The following PAXBP1 variants were observed in gnomAD, a reference collection of about 807,000 sequenced individuals.
The protein encoded by PAXBP1 is PAX3 and PAX7 binding protein 1.
Under a neutral mutation model 119.9 loss-of-function variants are expected in PAXBP1, and 44 were observed. That is an observed-to-expected ratio of 0.37 (90% CI 0.29 to 0.47). PAXBP1 has a LOEUF of 0.47. Among genes scored for constraint, PAXBP1 ranks in the 20% least tolerant of loss-of-function variants. PAXBP1 has a pLI of 0.99. For synonymous variants in PAXBP1, 393 were observed against 406.6 expected (o/e 0.97, Z 0.40); for missense variants, 898 against 1,134.1 (o/e 0.79, Z 2.99).
At chr21:32,742,683 T>C (rs1322848887) in intron 15 of PAXBP1, 2 of 205,918 alleles carry the variant, frequency 9.7e-6, no homozygotes, top group African/African-American at 4.7e-5. Context: ...GAAGAGTATC[T>C]GCTACAGCAG....
At position 32,764,333 on chromosome 21, in the gene PAXBP1, C is replaced by T. The variant is rs756031593; in HGVS notation, c.649+15G>A. ...GGGTTTAGTTTAGTTCTGAGAAATACTTTTGAGTACACACCTGGACGAAGA... is the reference window on the plus strand; with the variant it reads ...GGGTTTAGTTTAGTTCTGAGAAATATTTTTGAGTACACACCTGGACGAAGA... On this transcript the variant is annotated intron_variant, in intron 3 of 17. Transcript: ENST00000331923. 6.2e-7 allele frequency: 1 copy of T among 1,611,608 alleles called. No homozygotes were observed. Among genetic ancestry groups the T allele is most frequent in the Non-Finnish European group, 8.5e-7 (1 of 1,179,018 alleles).
intron 17 of PAXBP1, among the ~76,000 whole-genome samples, chr21:32,735,621 T>C (rs1186489295): frequency 2.6e-5 from 4 of 152,154 alleles, no homozygotes; most frequent in African/African-American, 9.7e-5. Context: ...TAGCACACAT[T>C]AGAATTACCT....
At chr21:32,735,218 G>T in intron 17 of PAXBP1, 151 bp from the exon 18 acceptor site, 6 of 547,688 alleles carry the variant, frequency 1.1e-5, no homozygotes, top group South Asian at 2.4e-5. Flanking sequence ...GCTACAGCAT[G>T]TTAAAAAAAA....
chr21:32,734,235 G>A lies in PAXBP1; in HGVS notation c.*715C>T, dbSNP rs888478975. 6.6e-6 allele frequency: 1 copy of A among 152,634 alleles called. No individual in the cohort carries two copies. The highest frequency in any genetic ancestry group is 2.1e-4 in the South Asian group (1 of 4,832). 9.5% of individuals were successfully genotyped at this position (152,634 alleles called of 1,614,324 possible). ...GTAAAATCATGAATGAGACAGGACG[G>A]TCAGCCCAAAACCATGCAATTAGGT... On this transcript the variant is annotated 3_prime_UTR_variant, in exon 18 of 18. Transcript: ENST00000331923.
At position 32,734,826 on chromosome 21, in the gene PAXBP1, G is replaced by T; in HGVS notation, c.*124C>A. The T allele has an allele frequency of 1.4e-6, 1 of 731,180 alleles. No individual in the cohort carries two copies. The highest frequency in any genetic ancestry group is 2.4e-6 in the Non-Finnish European group (1 of 410,246). The allele number at this position is 731,180 out of a possible 1,614,324, so 45.3% of individuals were successfully genotyped here. A position where few individuals can be genotyped will look rare whatever the true frequency, so the allele number is the denominator to read the frequency against. On this transcript the variant is annotated 3_prime_UTR_variant, in exon 18 of 18. Transcript: ENST00000331923. ...AAATATCATTTAAGGACACAGTATT[G>T]AATATAATGTTTTTTGTATTAAAAC...
At chr21:32,743,032 T>C (rs1375432958) in intron 15 of PAXBP1, 7 of 651,196 alleles carry the variant, frequency 1.1e-5, no homozygotes, top group East Asian at 3.2e-5. Context: ...TTGAGTACGA[T>C]GGACCTTACT....
Position 32,762,038 on chromosome 21 carries a change from T to A in PAXBP1, c.871+58A>T, listed in dbSNP as rs1332458481. 1.9e-6 allele frequency: 3 copies of A among 1,583,934 alleles called. No homozygotes were observed. The African/African-American group carries it at 4.0e-5, about 21-fold the overall frequency. On this transcript the variant is annotated intron_variant, in intron 4 of 17. Transcript: ENST00000331923. ...CTAAGTGATGGAATGACACCCTGCC[T>A]TAAAACAAACAAAAAAAGGCAATGC...
At chr21:32,742,913 G>A in intron 15 of PAXBP1, 2 of 484,260 alleles carry the variant, frequency 4.1e-6, no homozygotes, top group South Asian at 3.2e-5. Flanking sequence ...TACTATCTGT[G>A]GTTTCAGGTA....
intron 15 of PAXBP1, chr21:32,742,975 T>C (rs1368649985): frequency 5.4e-6 from 3 of 556,110 alleles, no homozygotes; most frequent in South Asian, 1.5e-5. Flanking sequence ...AGGACTACTG[T>C]AGTCTACTTG....
chr21:32,769,659 G>A (rs1182458862), intron 2 of PAXBP1, among the ~76,000 whole-genome samples, 155 bp downstream of exon 2: 1 of 152,192 alleles, frequency 6.6e-6, no homozygotes, highest in East Asian at 1.9e-4. Context: ...AAGCATCTGT[G>A]TTACAATTAA....
intron 8 of PAXBP1, 167 bp from the exon 9 acceptor site, chr21:32,751,385 T>C (rs536894538): frequency 3.6e-6 from 2 of 548,570 alleles, no homozygotes; most frequent in Non-Finnish European, 6.5e-6. Flanking sequence ...ATTTCATTAT[T>C]ATTCTGCGTT....
chr21:32,767,011 G>A (rs561907527), intron 2 of PAXBP1, among the ~76,000 whole-genome samples: 2 of 149,010 alleles, frequency 1.3e-5, no homozygotes, highest in South Asian at 2.1e-4. Flanking sequence ...AGGCTTACTA[G>A]AGTAGAAGTC....
intron 15 of PAXBP1, among the ~76,000 whole-genome samples, chr21:32,741,003 T>C (rs942227713): frequency 6.6e-6 from 1 of 152,108 alleles, no homozygotes; most frequent in African/African-American, 2.4e-5. Context: ...ATTAGGGAAA[T>C]GCAAATGAAA....
chr21:32,761,565 A>G (rs974167058), intron 4 of PAXBP1, among the ~76,000 whole-genome samples: 3 of 152,258 alleles, frequency 2.0e-5, no homozygotes, highest in Non-Finnish European at 4.4e-5. Context: ...AAATTCCAAT[A>G]AAACACTTGT....
rs995248441 is a variant in PAXBP1 at position 32,771,718 on chromosome 21, G to T, written c.-50C>A. The T allele has an allele frequency of 2.3e-6, 3 of 1,330,690 alleles. No individual in the cohort carries two copies. The highest frequency in any genetic ancestry group is 3.9e-5 in the Admixed American group (1 of 25,402). 82.4% of individuals were successfully genotyped at this position (1,330,690 alleles called of 1,614,324 possible). A position where few individuals can be genotyped will look rare whatever the true frequency, so the allele number is the denominator to read the frequency against. On this transcript the variant is annotated 5_prime_UTR_variant, in exon 1 of 18. Coordinates refer to ENST00000331923, the MANE Select transcript of PAXBP1 (RefSeq NM_016631.4). ...ATACTCGCTTCCACACCGCGGCCCC[G>T]GCAGCGCCGAGCTCGTGACGGCGCA...
At chr21:32,770,683 A>G (rs929430081) in intron 1 of PAXBP1, among the ~76,000 whole-genome samples, 1 of 152,226 alleles carries the variant, frequency 6.6e-6, no homozygotes, top group African/African-American at 2.4e-5. Flanking sequence ...GGCCTCCCAC[A>G]GGAATTGGAG....
chr21:32,755,902 T>C (rs372614511), intron 7 of PAXBP1: 13 of 180,474 alleles, frequency 7.2e-5, no homozygotes, highest in Non-Finnish European at 1.5e-4. Context: ...TACTATTTTG[T>C]AGCTTTATTA....
At position 32,771,410 on chromosome 21, in the gene PAXBP1, T is replaced by G; in HGVS notation, c.259A>C (p.Asn87His). The change falls in exon 1 of 18, where the codon AAC becomes CAC. Residue 87 changes from asparagine (N) to histidine (H), a missense_variant. Asn to His is a moderately conservative substitution (Grantham distance 68). This residue lies in a region of PAXBP1 where 299 missense variants were observed against 281.4 expected (regional missense o/e 1.06). Transcript: ENST00000331923. ...GGFPGGAEPGNGLKPRKRPRE... is the reference protein window; with the variant it reads ...GGFPGGAEPGHGLKPRKRPRE... ...GGCCTCTTGCGCGGCTTCAGCCCGT[T>G]GCCGGGCTCCGCGCCGCCGGGGAAG... 6.5e-7 allele frequency: 1 copy of G among 1,545,944 alleles called. No homozygotes were observed.
At chr21:32,759,020 G>T in intron 7 of PAXBP1, 60 bp downstream of exon 7, 1 of 1,497,744 alleles carries the variant, frequency 6.7e-7, no homozygotes. Context: ...TCTACACAAG[G>T]CCATCTAGAC....
Sources: allele counts gnomAD v4.1 joint callset (sites outside exome capture counted in the v4.1 genomes callset), GRCh38; gene constraint gnomAD v4.1.1; regional missense constraint gnomAD v4.1.1; transcripts MANE v1.5; gene names NCBI Gene and HGNC (gene_info 2026-07-23, HGNC 2026-07-21).